CDC123: variants seen among roughly 807,000 people sequenced by gnomAD.
CDC123 encodes the protein translation initiation factor eIF2 assembly protein.
Under a neutral mutation model 54.4 loss-of-function variants are expected in CDC123, and 37 were observed. The ratio of observed to expected loss-of-function variants is 0.68; its 90% CI spans 0.52 to 0.89. The LOEUF is 0.89. Ranked by LOEUF, CDC123 falls within the 40% of genes least tolerant of loss-of-function variation. The pLI is 0.00. For synonymous variants in CDC123, 144 were observed against 136.8 expected (o/e 1.05, Z -0.37); for missense variants, 361 against 412.1 (o/e 0.88, Z 1.07).
At chr10:12,216,623 C>A (rs988644754) in intron 5 of CDC123, among the ~76,000 whole-genome samples, 3 of 152,104 alleles carry the variant, frequency 2.0e-5, no homozygotes, top group Non-Finnish European at 4.4e-5. Context: ...TAGCTGTTTT[C>A]AAATATTTTA....
At chr10:12,217,959 C>T (rs1009794359) in intron 6 of CDC123, among the ~76,000 whole-genome samples, 2 of 151,986 alleles carry the variant, frequency 1.3e-5, no homozygotes, top group East Asian at 3.9e-4. Context: ...CGTGGTGGCA[C>T]GTGCCTATAG....
At chr10:12,227,534 A>C (rs961500134) in intron 6 of CDC123, among the ~76,000 whole-genome samples, 1 of 150,372 alleles carries the variant, frequency 6.7e-6, no homozygotes, top group East Asian at 2.0e-4. Context: ...GTCTCACTCT[A>C]TTGCCCAGGC....
In CDC123 at chr10:12,220,701, G is replaced by T. The variant is rs148372826; in HGVS notation, c.440+3234G>T. ...AGAGCTCTTAAAAGATTAAATGCTG[G>T]GTGTGGTGGCTCATGCCTGTAATCC... On this transcript the variant is annotated intron_variant, in intron 6 of 12. Coordinates refer to ENST00000281141, the MANE Select transcript of CDC123 (RefSeq NM_006023.3). Among the ~76,000 whole-genome samples, 3 of 152,360 alleles carry T rather than the reference G, an allele frequency of 2.0e-5. No individual in the cohort carries two copies. The East Asian group carries it at 5.8e-4, about 29-fold the overall frequency.
intron 11 of CDC123, 32 bp downstream of exon 11, chr10:12,246,309 A>G: frequency 7.4e-6 from 12 of 1,610,890 alleles, no homozygotes; most frequent in Non-Finnish European, 1.0e-5. Context: ...TACAATGTAA[A>G]CCTTTCCAGT....
At chr10:12,242,256 C>T (rs1836068772) in intron 10 of CDC123, among the ~76,000 whole-genome samples, 1 of 152,174 alleles carries the variant, frequency 6.6e-6, no homozygotes, top group African/African-American at 2.4e-5. Flanking sequence ...TCTGTTATCC[C>T]TCAGGTGCCC....
chr10:12,209,829 GC>G, intron 2 of CDC123, 137 bp from the exon 3 acceptor site: 1 of 757,026 alleles, frequency 1.3e-6, no homozygotes, highest in Non-Finnish European at 2.3e-6. Context: ...CTGCCAGAGT[GC>G]TAGGATTACA....
chr10:12,249,188 A>G (rs1836203497), intron 11 of CDC123, among the ~76,000 whole-genome samples: 1 of 150,024 alleles, frequency 6.7e-6, no homozygotes, highest in Admixed American at 6.7e-5. Flanking sequence ...TATAATCTTA[A>G]CACTTTGGGA....
At chr10:12,236,533 A>G (rs2131760107) in intron 8 of CDC123, among the ~76,000 whole-genome samples, 1 of 151,146 alleles carries the variant, frequency 6.6e-6, no homozygotes, top group South Asian at 2.1e-4. Context: ...CAGAAAGTGG[A>G]GGTTGTAATA....
At chr10:12,248,116 G>A (rs1175977088) in intron 11 of CDC123, among the ~76,000 whole-genome samples, 2 of 152,202 alleles carry the variant, frequency 1.3e-5, no homozygotes, top group Non-Finnish European at 2.9e-5. Flanking sequence ...TTAAACACAT[G>A]CATAGACCTT....
Position 12,198,783 on chromosome 10 carries a change from T to C in CDC123, c.146+7T>C, listed in dbSNP as rs1835398664. 1.3e-6 allele frequency: 2 copies of C among 1,510,388 alleles called. No individual in the cohort carries two copies. The highest frequency in any genetic ancestry group is 2.8e-5 in the African/African-American group (2 of 72,180). 93.6% of individuals were successfully genotyped at this position (1,510,388 alleles called of 1,614,324 possible). On this transcript the variant is annotated splice_region_variant and intron_variant, in intron 2 of 12. Coordinates refer to ENST00000281141, the MANE Select transcript of CDC123 (RefSeq NM_006023.3). Reference sequence around the variant, plus strand: ...CTCTGGTGGTTTCAGGAAGGTAAAGTATTTTAGAAAAAAATTTCTTAAACT... The same window carrying C: ...CTCTGGTGGTTTCAGGAAGGTAAAGCATTTTAGAAAAAAATTTCTTAAACT...
chr10:12,208,752 A>G (rs1381429121), intron 2 of CDC123, among the ~76,000 whole-genome samples: 1 of 152,154 alleles, frequency 6.6e-6, no homozygotes, highest in Non-Finnish European at 1.5e-5. Flanking sequence ...AGGCAGACTT[A>G]CAGCTTATCT....
chr10:12,198,103 G>A (rs1835390446), intron 1 of CDC123, among the ~76,000 whole-genome samples: 1 of 152,114 alleles, frequency 6.6e-6, no homozygotes, highest in Non-Finnish European at 1.5e-5. Context: ...GAGACTTCAG[G>A]TATGGCTTTG....
chr10:12,246,906 C>T (rs1398885252), intron 11 of CDC123: 2 of 150,048 alleles, frequency 1.3e-5, no homozygotes, highest in Non-Finnish European at 2.9e-5. Context: ...TCTGTCACCT[C>T]CCCCCTCAGT....
At chr10:12,199,492 A>G (rs1280823833) in intron 2 of CDC123, among the ~76,000 whole-genome samples, 1 of 152,176 alleles carries the variant, frequency 6.6e-6, no homozygotes, top group African/African-American at 2.4e-5. Context: ...TTTCATGAAA[A>G]CAGGGACTTG....
At chr10:12,204,224 G>C (rs1327011710) in intron 2 of CDC123, among the ~76,000 whole-genome samples, 1 of 152,160 alleles carries the variant, frequency 6.6e-6, no homozygotes, top group Non-Finnish European at 1.5e-5. Flanking sequence ...CACACACTGG[G>C]TCTGACGCAG....
At chr10:12,232,853 C>G (rs1370362641) in intron 7 of CDC123, among the ~76,000 whole-genome samples, 1 of 151,286 alleles carries the variant, frequency 6.6e-6, no homozygotes, top group Non-Finnish European at 1.5e-5. Flanking sequence ...GCGCCATCTC[C>G]GGTTCACGCC....
chr10:12,237,052 A>T, intron 8 of CDC123, 92 bp from the exon 9 acceptor site: 1 of 1,380,322 alleles, frequency 7.2e-7, no homozygotes, highest in Non-Finnish European at 9.5e-7. Context: ...AATCTACTTT[A>T]ATGGTTCTTT....
intron 10 of CDC123, 182 bp from the exon 11 acceptor site, chr10:12,245,967 G>A (rs935580229): frequency 5.3e-6 from 3 of 563,480 alleles, no homozygotes; most frequent in Non-Finnish European, 6.2e-6. Flanking sequence ...GTACTGAGGA[G>A]GCTGAGGCAG....
At chr10:12,217,191 C>T (rs988359970) in intron 5 of CDC123, among the ~76,000 whole-genome samples, 170 bp from the exon 6 acceptor site, 1 of 152,196 alleles carries the variant, frequency 6.6e-6, no homozygotes, top group Non-Finnish European at 1.5e-5. Flanking sequence ...GCAGTGGTGA[C>T]GCTTTTTGTT....
Sources: allele counts gnomAD v4.1 joint callset (sites outside exome capture counted in the v4.1 genomes callset), GRCh38; gene constraint gnomAD v4.1.1; transcripts MANE v1.5; gene names NCBI Gene and HGNC (gene_info 2026-07-23, HGNC 2026-07-21).